The following HIRA variants were observed in gnomAD, a reference collection of about 807,000 sequenced individuals.
HIRA encodes the protein protein HIRA.
Under a neutral mutation model 126.6 loss-of-function variants are expected in HIRA, and 13 were observed. That is an observed-to-expected ratio of 0.10 (90% confidence interval 0.07 to 0.16). HIRA has a LOEUF of 0.16. Among genes scored for constraint, HIRA ranks in the 10% least tolerant of loss-of-function variants. The pLI is 1.00. For synonymous variants in HIRA, 511 were observed against 520.0 expected (o/e 0.98, Z 0.24); for missense variants, 834 against 1,314.4 (o/e 0.63, Z 5.65).
intron 24 of HIRA, among the ~76,000 whole-genome samples, chr22:19,333,244 T>A (rs540900327): frequency 1.4e-4 from 21 of 152,224 alleles, no homozygotes; most frequent in African/African-American, 4.6e-4. Flanking sequence ...GACAAACGTC[T>A]GGCAGGATTA....
At chr22:19,405,602 T>G in intron 5 of HIRA, 184 bp downstream of exon 5, 1 of 738,976 alleles carries the variant, frequency 1.4e-6, no homozygotes, top group Non-Finnish European at 1.7e-6. Context: ...TGGAGACAGG[T>G]AGTGGACCCG....
chr22:19,385,398 G>A, intron 12 of HIRA, 123 bp downstream of exon 12: 1 of 898,562 alleles, frequency 1.1e-6, no homozygotes, highest in Non-Finnish European at 1.7e-6. Flanking sequence ...GCCCGAGGCT[G>A]GCTAACCCAC....
At chr22:19,345,902 T>C (rs1601804428) in intron 24 of HIRA, among the ~76,000 whole-genome samples, 1 of 152,200 alleles carries the variant, frequency 6.6e-6, no homozygotes, top group Non-Finnish European at 1.5e-5. Context: ...ATCCTTGAAG[T>C]TGAAAGAAAT....
chr22:19,404,917 C>T (rs1167664013), intron 5 of HIRA, among the ~76,000 whole-genome samples: 1 of 152,144 alleles, frequency 6.6e-6, no homozygotes, highest in Non-Finnish European at 1.5e-5. Context: ...CTAGCTCAGG[C>T]CCTGACAGTG....
intron 1 of HIRA, among the ~76,000 whole-genome samples, chr22:19,422,709 C>A (rs1267215194): frequency 6.6e-6 from 1 of 152,208 alleles, no homozygotes; most frequent in Non-Finnish European, 1.5e-5. Context: ...CTCCATGAGG[C>A]CTGCAGCGAA....
Position 19,337,974 on chromosome 22 carries a change from T to G in HIRA, c.2938-6418A>C, listed in dbSNP as rs113189042. On this transcript the variant is annotated intron_variant, in intron 24 of 24. Transcript: ENST00000263208. ...GCCTGGATAATTTTTGTATTTTTAT[T>G]AGAGGTGGGGTTTCACCGTGTTGGC... Among the ~76,000 whole-genome samples, 147 of 152,198 alleles carry G rather than the reference T, an allele frequency of 9.7e-4. 1 individual carries two copies. The highest frequency in any genetic ancestry group is 3.3e-3 in the African/African-American group (137 of 41,520).
chr22:19,431,290 G>A lies in HIRA; in HGVS notation c.37+150C>T, dbSNP rs1277141698. 6 of 864,060 alleles carry A rather than the reference G, an allele frequency of 6.9e-6. No individual in the cohort carries two copies. In the African/African-American group the frequency reaches 8.7e-5, roughly 13 times the overall value. The allele number at this position is 864,060 out of a possible 1,614,324, so 53.5% of individuals were successfully genotyped here. On this transcript the variant is annotated intron_variant, in intron 1 of 24. Coordinates refer to ENST00000263208, the MANE Select transcript of HIRA (RefSeq NM_003325.4). The stretch of plus-strand genomic sequence containing the variant: ...GGCTCACCAGCCTCTCCGCGCTGAG[G>A]ACAAAGTCCGCTCCCGCCGGCTTCT...
At chr22:19,345,574 G>A (rs1178959240) in intron 24 of HIRA, among the ~76,000 whole-genome samples, 2 of 152,162 alleles carry the variant, frequency 1.3e-5, no homozygotes, top group East Asian at 1.9e-4. Flanking sequence ...ACGGTTTCAG[G>A]ATAAAACTGT....
intron 13 of HIRA, among the ~76,000 whole-genome samples, chr22:19,379,765 T>A (rs78577372): frequency 0.16 from 23,570 of 151,688 alleles, 3,866 homozygotes; most frequent in African/African-American, 0.41. Flanking sequence ...AAAAAATTCC[T>A]TATATGGTAG....
At chr22:19,360,863 T>C (rs566439099) in intron 17 of HIRA, among the ~76,000 whole-genome samples, 1 of 152,250 alleles carries the variant, frequency 6.6e-6, no homozygotes, top group East Asian at 1.9e-4. Flanking sequence ...GGGAGATAGA[T>C]TATGACCACA....
At chr22:19,428,206 C>T (rs370258788) in intron 1 of HIRA, among the ~76,000 whole-genome samples, 68 of 152,300 alleles carry the variant, frequency 4.5e-4, no homozygotes, top group African/African-American at 1.5e-3. Context: ...TACAACGTGA[C>T]AACTTCAAGA....
rs1338201484 is a variant in HIRA, at chr22:19,361,329, G to A, written c.1993C>T (p.Leu665=). Residue 665 remains leucine (L), a synonymous_variant, in exon 17 of 25, where the codon CTA becomes TTA. Coordinates refer to ENST00000263208, the MANE Select transcript of HIRA (RefSeq NM_003325.4). Reference sequence around the variant, plus strand: ...CACATGGCCTCCTTCTCTGCGGTTAGGGCAGCTGGAGACTGGAAGAGCCAG... The same window carrying A: ...CACATGGCCTCCTTCTCTGCGGTTAAGGCAGCTGGAGACTGGAAGAGCCAG... ...VSLSVQSPAA[L]TAEKEAMCLS... is the part of the protein sequence containing the mutation. 6.2e-7 allele frequency: 1 copy of A among 1,614,166 alleles called. No individual in the cohort carries two copies. Among genetic ancestry groups the A allele is most frequent in the Middle Eastern group, 1.7e-4 (1 of 6,060 alleles).
At chr22:19,337,454 CAAAG>C (rs2088579331) in intron 24 of HIRA, among the ~76,000 whole-genome samples, 1 of 151,552 alleles carries the variant, frequency 6.6e-6, no homozygotes, top group Admixed American at 6.6e-5. Context: ...CAGACAAAAA[CAAAG>C]AAAAAATAAT....
intron 5 of HIRA, chr22:19,398,960 C>G (rs1032747483): frequency 2.4e-5 from 5 of 212,462 alleles, no homozygotes; most frequent in African/African-American, 4.7e-5. Flanking sequence ...CAGAGTAAGA[C>G]CCTGTCTCAA....
chr22:19,384,135 T>A (rs1164888741), intron 12 of HIRA, among the ~76,000 whole-genome samples: 1 of 151,896 alleles, frequency 6.6e-6, no homozygotes, highest in African/African-American at 2.4e-5. Context: ...CTGGCCAACA[T>A]GGTGAAACCC....
At chr22:19,407,378 T>A in intron 3 of HIRA, 104 bp from the exon 4 acceptor site, 1 of 878,930 alleles carries the variant, frequency 1.1e-6, no homozygotes, top group Non-Finnish European at 1.8e-6. Flanking sequence ...CTAATCTATC[T>A]AATCTATTTA....
chr22:19,357,192 T>C (rs2146193590), intron 18 of HIRA, 141 bp from the exon 19 acceptor site: 4 of 966,374 alleles, frequency 4.1e-6, no homozygotes, highest in South Asian at 1.5e-5. Flanking sequence ...GGAAGGTGGA[T>C]TGGGTCAGGG....
At chr22:19,376,875 T>C (rs1322869991) in intron 14 of HIRA, among the ~76,000 whole-genome samples, 1 of 152,160 alleles carries the variant, frequency 6.6e-6, no homozygotes, top group East Asian at 1.9e-4. Context: ...GCTCTGACGG[T>C]ATCAGCTGTA....
intron 15 of HIRA, among the ~76,000 whole-genome samples, chr22:19,374,516 C>T (rs1004482237): frequency 1.3e-5 from 2 of 152,124 alleles, no homozygotes; most frequent in African/African-American, 2.4e-5. Context: ...AGATTCCACA[C>T]CAAGTTTATA....
Sources: allele counts gnomAD v4.1 joint callset (sites outside exome capture counted in the v4.1 genomes callset), GRCh38; gene constraint gnomAD v4.1.1; transcripts MANE v1.5; gene names NCBI Gene and HGNC (gene_info 2026-07-23, HGNC 2026-07-21).